The following NRG3 variants were observed in gnomAD, a reference collection of about 807,000 sequenced individuals.
NRG3 encodes the protein pro-neuregulin-3, membrane-bound isoform.
A neutral mutation model predicts 66.9 loss-of-function variants in NRG3; 31 were observed. That is an observed-to-expected ratio of 0.46 (90% CI 0.35 to 0.63). NRG3 has a LOEUF of 0.63. Ranked by LOEUF, NRG3 falls within the 20% of genes least tolerant of loss-of-function variation. NRG3 has a pLI of 0.00. For synonymous variants in NRG3, 393 were observed against 359.4 expected (o/e 1.09, Z -1.06); for missense variants, 910 against 878.9 (o/e 1.04, Z -0.45).
chr10:82,793,954 A>AT (rs1053283146), intron 3 of NRG3, among the ~76,000 whole-genome samples: 17 of 152,018 alleles, frequency 1.1e-4, no homozygotes, highest in Non-Finnish European at 2.1e-4. Context: ...TCTTTCACTT[A>AT]TTTTTTTTAC....
intron 2 of NRG3, among the ~76,000 whole-genome samples, chr10:82,520,798 T>C (rs1335587652): frequency 5.9e-5 from 9 of 152,204 alleles, no homozygotes; most frequent in Admixed American, 5.9e-4. Context: ...TTTCCCCTAA[T>C]TAATTCTTTC....
chr10:82,361,534 A>C (rs989459694), intron 2 of NRG3, among the ~76,000 whole-genome samples: 1 of 152,198 alleles, frequency 6.6e-6, no homozygotes, highest in Non-Finnish European at 1.5e-5. Flanking sequence ...ACAGCACTCT[A>C]TTTAAGTAGT....
intron 2 of NRG3, among the ~76,000 whole-genome samples, chr10:82,499,260 A>G (rs1843921845): frequency 6.6e-6 from 1 of 152,220 alleles, no homozygotes; most frequent in African/African-American, 2.4e-5. Flanking sequence ...TTTTTCAAAC[A>G]GTTAAAAAGA....
intron 1 of NRG3, among the ~76,000 whole-genome samples, chr10:82,097,761 T>C (rs188332034): frequency 6.6e-6 from 1 of 152,194 alleles, no homozygotes; most frequent in Non-Finnish European, 1.5e-5. Flanking sequence ...CATTTGGTAG[T>C]ATCAGATGTT....
chr10:82,594,629 A>G (rs2047166004), intron 2 of NRG3, among the ~76,000 whole-genome samples: 1 of 152,192 alleles, frequency 6.6e-6, no homozygotes, highest in Admixed American at 6.5e-5. Flanking sequence ...ATCTCTTTGA[A>G]TACATTAGTT....
At chr10:81,914,179 C>T (rs371507118) in intron 1 of NRG3, among the ~76,000 whole-genome samples, 1 of 152,102 alleles carries the variant, frequency 6.6e-6, no homozygotes, top group Non-Finnish European at 1.5e-5. Flanking sequence ...TATATTTTTA[C>T]AATGAACACG....
At chr10:82,859,347 A>C (rs1403442396) in intron 3 of NRG3, 4 of 152,208 alleles carry the variant, frequency 2.6e-5, no homozygotes, top group Non-Finnish European at 5.9e-5. Flanking sequence ...GGACCCTTGT[A>C]TGATCAGAAT....
At chr10:82,784,114 T>A (rs1325906130) in intron 3 of NRG3, among the ~76,000 whole-genome samples, 1 of 152,114 alleles carries the variant, frequency 6.6e-6, no homozygotes, top group African/African-American at 2.4e-5. Flanking sequence ...GGGAAAGGAT[T>A]CCCTATTTAA....
intron 1 of NRG3, among the ~76,000 whole-genome samples, chr10:82,188,580 T>A (rs937046260): frequency 6.6e-6 from 1 of 152,038 alleles, no homozygotes; most frequent in Non-Finnish European, 1.5e-5. Flanking sequence ...CCAGAATATA[T>A]AAGGAGCTCA....
chr10:82,459,482 G>A lies in NRG3; in HGVS notation c.953+100614G>A, dbSNP rs546326191. Reference sequence around the variant, plus strand: ...AAATATTATTTCAGACAAGGAGGATGCAATAGTGAGCACAGCTGACCCAAT... The same window carrying A: ...AAATATTATTTCAGACAAGGAGGATACAATAGTGAGCACAGCTGACCCAAT... On this transcript the variant is annotated intron_variant, in intron 2 of 8. Coordinates refer to ENST00000372141, the MANE Select transcript of NRG3 (RefSeq NM_001010848.4). 7.2e-5 allele frequency among the ~76,000 whole-genome samples: 11 copies of A among 152,314 alleles called. No homozygotes were observed. In the East Asian group the frequency reaches 1.5e-3, roughly 21 times the overall value.
chr10:82,311,215 G>A (rs1005981415), intron 1 of NRG3, among the ~76,000 whole-genome samples: 4 of 152,116 alleles, frequency 2.6e-5, no homozygotes, highest in South Asian at 2.1e-4. Context: ...GAGGAAGTGC[G>A]GTCATCTAGC....
At chr10:81,979,458 G>C (rs1209132732) in intron 1 of NRG3, among the ~76,000 whole-genome samples, 1 of 152,192 alleles carries the variant, frequency 6.6e-6, no homozygotes, top group Non-Finnish European at 1.5e-5. Flanking sequence ...TGCAAGCCTA[G>C]GCAGTATGAA....
chr10:81,927,196 G>C (rs1292184983), intron 1 of NRG3, among the ~76,000 whole-genome samples: 1 of 152,134 alleles, frequency 6.6e-6, no homozygotes, highest in Non-Finnish European at 1.5e-5. Flanking sequence ...CAAAACATAT[G>C]CCTAAGCTGA....
chr10:82,781,158 C>T (rs1363844826), intron 3 of NRG3, among the ~76,000 whole-genome samples: 1 of 152,146 alleles, frequency 6.6e-6, no homozygotes, highest in Admixed American at 6.6e-5. Flanking sequence ...GTCTACCTTC[C>T]TCTTTCCACA....
At chr10:82,138,925 T>C (rs1251683756) in intron 1 of NRG3, among the ~76,000 whole-genome samples, 2 of 152,084 alleles carry the variant, frequency 1.3e-5, no homozygotes, top group Non-Finnish European at 2.9e-5. Context: ...TCACCCAGCT[T>C]GAGGGAGGGT....
intron 1 of NRG3, chr10:82,232,644 A>G: frequency 1.6e-6 from 1 of 632,854 alleles, no homozygotes; most frequent in Non-Finnish European, 2.9e-6. Context: ...TTTGTCAGAA[A>G]TTTTGTTTTG....
intron 2 of NRG3, among the ~76,000 whole-genome samples, chr10:82,421,929 T>G (rs2089110020): frequency 6.6e-6 from 1 of 152,110 alleles, no homozygotes; most frequent in Non-Finnish European, 1.5e-5. Flanking sequence ...TCGGTTCAAC[T>G]TCAAGTTGTC....
chr10:82,619,218 A>G (rs1438678450), intron 2 of NRG3, among the ~76,000 whole-genome samples: 2 of 152,184 alleles, frequency 1.3e-5, no homozygotes, highest in East Asian at 3.8e-4. Flanking sequence ...GCAGTGTAAA[A>G]AATAAAGAAT....
At chr10:82,164,394 T>C (rs889166081) in intron 1 of NRG3, among the ~76,000 whole-genome samples, 6 of 152,296 alleles carry the variant, frequency 3.9e-5, no homozygotes, top group Admixed American at 2.0e-4. Context: ...TATTTACAAA[T>C]GTACAATATA....
Sources: allele counts gnomAD v4.1 joint callset (sites outside exome capture counted in the v4.1 genomes callset), GRCh38; gene constraint gnomAD v4.1.1; transcripts MANE v1.5; gene names NCBI Gene and HGNC (gene_info 2026-07-23, HGNC 2026-07-21).